The following IQSEC1 variants were observed in gnomAD, a reference collection of about 807,000 sequenced individuals.
The protein encoded by IQSEC1 is IQ motif and SEC7 domain-containing protein 1.
In IQSEC1, 31 loss-of-function variants were observed where a neutral mutation model predicts 91.0. The ratio of observed to expected loss-of-function variants is 0.34; its 90% CI spans 0.26 to 0.46. IQSEC1 has a LOEUF of 0.46. Among genes scored for constraint, IQSEC1 ranks in the 20% least tolerant of loss-of-function variants. The probability of loss-of-function intolerance (pLI) is 1.00; values close to 1 mark genes in which losing one functional copy is unlikely to be tolerated. For missense variants in IQSEC1, 1,388 were observed against 1,575.6 expected (o/e 0.88, Z 2.02); for synonymous variants, 699 against 662.6 (o/e 1.05, Z -0.84).
intron 2 of IQSEC1, among the ~76,000 whole-genome samples, chr3:13,145,102 A>G (rs971809240): frequency 1.3e-5 from 2 of 152,146 alleles, no homozygotes; most frequent in African/African-American, 4.8e-5. Context: ...GGCTGGCATG[A>G]GCCCCCCCAT....
At chr3:13,126,158 C>T (rs367904704) in intron 2 of IQSEC1, among the ~76,000 whole-genome samples, 1 of 137,366 alleles carries the variant, frequency 7.3e-6, no homozygotes. Context: ...GAAACACACT[C>T]ATGATGGAAC....
intron 1 of IQSEC1, among the ~76,000 whole-genome samples, chr3:13,230,811 GA>G (rs1302610891): frequency 6.6e-6 from 1 of 152,192 alleles, no homozygotes; most frequent in Non-Finnish European, 1.5e-5. Context: ...GCTGAACTAA[GA>G]AAGAAGACCA....
chr3:13,174,833 T>TCCCCCCCCCCACCC (rs1693694162), intron 1 of IQSEC1, among the ~76,000 whole-genome samples: 1 of 112,714 alleles, frequency 8.9e-6, no homozygotes, highest in Non-Finnish European at 1.9e-5. Context: ...GTCTTTCTGC[T>TCCCCCCCCCCACCC]CCCCCCCCCC....
At chr3:13,250,295 C>T (rs986296952) in intron 1 of IQSEC1, among the ~76,000 whole-genome samples, 5 of 152,130 alleles carry the variant, frequency 3.3e-5, no homozygotes, top group Non-Finnish European at 7.4e-5. Context: ...CAGGAAGCAT[C>T]GACCCTGTGT....
At chr3:13,189,037 C>G (rs1693977980) in intron 1 of IQSEC1, among the ~76,000 whole-genome samples, 3 of 152,262 alleles carry the variant, frequency 2.0e-5, no homozygotes, top group South Asian at 4.1e-4. Context: ...CCCAGTCTCT[C>G]TCACCTGTGT....
rs188644754 is a variant in IQSEC1 at position 12,897,275 on chromosome 3, T to C, written c.*3708A>G. The C allele has an allele frequency of 1.8e-4, 28 of 152,332 alleles. No homozygotes were observed. Among genetic ancestry groups the C allele is most frequent in the African/African-American group, 4.8e-4 (20 of 41,584 alleles). The allele number at this position is 152,332 out of a possible 1,614,324, so 9.4% of individuals were successfully genotyped here. A position where few individuals can be genotyped will look rare whatever the true frequency, so the allele number is the denominator to read the frequency against. On this transcript the variant is annotated 3_prime_UTR_variant, in exon 14 of 14. Transcript: ENST00000613206. ...ACATGATCACAACCATGGTTTTACA[T>C]TGATAGAGTCTGTTGCCACTGACAA...
intron 1 of IQSEC1, among the ~76,000 whole-genome samples, chr3:13,192,885 A>G (rs994925149): frequency 1.3e-5 from 2 of 152,190 alleles, no homozygotes; most frequent in Admixed American, 1.3e-4. Context: ...GAGGGGGAGC[A>G]TTTGCCTCAC....
At chr3:13,162,963 C>T (rs1476715751) in intron 2 of IQSEC1, among the ~76,000 whole-genome samples, 1 of 152,078 alleles carries the variant, frequency 6.6e-6, no homozygotes, top group Non-Finnish European at 1.5e-5. Flanking sequence ...AGCTAGTCCC[C>T]TCACCTGGGC....
At chr3:13,254,024 A>G (rs1249665429) in intron 1 of IQSEC1, among the ~76,000 whole-genome samples, 8 of 152,184 alleles carry the variant, frequency 5.3e-5, no homozygotes, top group African/African-American at 4.8e-5. Flanking sequence ...GCCCCTCCAC[A>G]TAACTACAAG....
chr3:12,980,669 G>A (rs1701407145), intron 1 of IQSEC1, among the ~76,000 whole-genome samples: 1 of 152,204 alleles, frequency 6.6e-6, no homozygotes, highest in African/African-American at 2.4e-5. Context: ...AGATCAGGAG[G>A]GAGGGGCTGG....
At position 12,897,530 on chromosome 3, in the gene IQSEC1, T is replaced by C. The variant is rs1693764692; in HGVS notation, c.*3453A>G. On this transcript the variant is annotated 3_prime_UTR_variant, in exon 14 of 14. Coordinates refer to ENST00000613206, the MANE Select transcript of IQSEC1 (RefSeq NM_001134382.3). Reference sequence around the variant, plus strand: ...CACACAGAAGGGCGATGCAGATGCATCTGAATGGAGGGCAGGCCTCCTCCC... The same window carrying C: ...CACACAGAAGGGCGATGCAGATGCACCTGAATGGAGGGCAGGCCTCCTCCC... The C allele has an allele frequency of 6.6e-6, 1 of 152,212 alleles. No homozygotes were observed. The highest frequency in any genetic ancestry group is 2.4e-5 in the African/African-American group (1 of 41,448). 9.4% of individuals were successfully genotyped at this position (152,212 alleles called of 1,614,324 possible). A position where few individuals can be genotyped will look rare whatever the true frequency, so the allele number is the denominator to read the frequency against.
chr3:12,932,573 C>T (rs1396873076), intron 3 of IQSEC1, among the ~76,000 whole-genome samples: 7 of 152,168 alleles, frequency 4.6e-5, no homozygotes, highest in Admixed American at 3.9e-4. Context: ...CATCACAATG[C>T]CTGTTTGGGT....
chr3:12,964,668 C>T (rs1349722246), intron 1 of IQSEC1, among the ~76,000 whole-genome samples: 2 of 152,190 alleles, frequency 1.3e-5, no homozygotes, highest in Non-Finnish European at 2.9e-5. Context: ...AACTTGCATA[C>T]ACTCACGAAA....
At chr3:13,175,072 A>T (rs1466559200) in intron 1 of IQSEC1, among the ~76,000 whole-genome samples, 1 of 151,912 alleles carries the variant, frequency 6.6e-6, no homozygotes, top group African/African-American at 2.4e-5. Flanking sequence ...ACCCAGACCC[A>T]CCAGGGTGGA....
rs927161647 is a variant in IQSEC1 at position 12,922,694 on chromosome 3, C to T, written c.1731-452G>A. On this transcript the variant is annotated intron_variant, in intron 4 of 13. Coordinates refer to ENST00000613206, the MANE Select transcript of IQSEC1 (RefSeq NM_001134382.3). The surrounding 1 kb of genome is among the most constrained non-coding windows in gnomAD (Gnocchi z 5.1). ...TTGACTTTCAGAATAAGCCTGTTCT[C>T]TTGTGGGGAGAGTATCGGGGTGGTG... is the stretch of plus-strand genomic sequence containing the variant. Among the ~76,000 whole-genome samples, 2 of 152,130 alleles carry T rather than the reference C, an allele frequency of 1.3e-5. No individual in the cohort carries two copies. Among genetic ancestry groups the T allele is most frequent in the Admixed American group, 6.5e-5 (1 of 15,280 alleles).
In IQSEC1 at chr3:12,935,891, A is replaced by G. The variant is rs1333031219; in HGVS notation, c.1125T>C (p.Ser375=). ...GCTCCGAGCGGTCACTAAGGTCCAC[A>G]GAGCTGTCGCTGGGTGGCTCGATGG... ...LLTIEPPSDS[S]VDLSDRSERG... The change falls in exon 3 of 14, where the codon TCT becomes TCC. Residue 375 remains serine (S), a synonymous_variant. Coordinates refer to ENST00000613206, the MANE Select transcript of IQSEC1 (RefSeq NM_001134382.3). The surrounding 1 kb of genome is among the most constrained non-coding windows in gnomAD (Gnocchi z 8.0). 2 of 1,604,568 alleles carry G rather than the reference A, an allele frequency of 1.2e-6. No homozygotes were observed. Among genetic ancestry groups the G allele is most frequent in the African/African-American group, 2.7e-5 (2 of 74,926 alleles).
chr3:12,925,403 G>A (rs929512762), intron 3 of IQSEC1, among the ~76,000 whole-genome samples: 3 of 152,204 alleles, frequency 2.0e-5, no homozygotes, highest in Non-Finnish European at 4.4e-5. Context: ...CGGTGCTCAG[G>A]AGCCCAGACT....
chr3:13,144,887 C>A (rs1478967556), intron 2 of IQSEC1, among the ~76,000 whole-genome samples: 3 of 152,224 alleles, frequency 2.0e-5, no homozygotes, highest in Non-Finnish European at 4.4e-5. Context: ...AATCCACAGG[C>A]TTTTGATGGC....
intron 1 of IQSEC1, chr3:12,987,010 C>G (rs1451535411): frequency 2.2e-6 from 1 of 444,838 alleles, no homozygotes; most frequent in Non-Finnish European, 4.5e-6. Flanking sequence ...CTGCCACAAA[C>G]AGCCGCAGCC....
Sources: allele counts gnomAD v4.1 joint callset (sites outside exome capture counted in the v4.1 genomes callset), GRCh38; gene constraint gnomAD v4.1.1; non-coding constraint Gnocchi (gnomAD v3.1); transcripts MANE v1.5; gene names NCBI Gene and HGNC (gene_info 2026-07-23, HGNC 2026-07-21).